The following PCSK5 variants were observed in gnomAD, a reference collection of about 807,000 sequenced individuals.
The protein encoded by PCSK5 is proprotein convertase subtilisin/kexin type 5.
In PCSK5, 129 loss-of-function variants were observed where a neutral mutation model predicts 233.2. The ratio of observed to expected loss-of-function variants is 0.55; its 90% CI spans 0.48 to 0.64. The LOEUF (loss-of-function observed/expected upper bound fraction) is 0.64, where lower values mean the gene tolerates loss of function less well. Ranked by LOEUF, PCSK5 falls within the 30% of genes least tolerant of loss-of-function variation. The pLI is 0.00. For missense variants in PCSK5, 2,076 were observed against 2,430.1 expected, an observed-to-expected ratio of 0.85 and a Z score of 3.06; for synonymous variants, 825 against 879.2, an observed-to-expected ratio of 0.94 and a Z score of 1.09.
chr9:76,297,007 A>T (rs374697560), intron 27 of PCSK5, 142 bp downstream of exon 27: 11 of 632,610 alleles, frequency 1.7e-5, no homozygotes, highest in Non-Finnish European at 3.1e-5. Flanking sequence ...TCAAGTTGGG[A>T]TCGTTCCTGA....
At chr9:76,141,096 T>C (rs905988610) in intron 10 of PCSK5, among the ~76,000 whole-genome samples, 1 of 152,164 alleles carries the variant, frequency 6.6e-6, no homozygotes, top group African/African-American at 2.4e-5. Flanking sequence ...CAAAGATATA[T>C]GTCGTCAAGC....
intron 7 of PCSK5, among the ~76,000 whole-genome samples, chr9:76,091,148 T>C (rs1831270834): frequency 6.6e-6 from 1 of 152,178 alleles, no homozygotes; most frequent in Non-Finnish European, 1.5e-5. Flanking sequence ...CAATTTCGGT[T>C]GAGGACTCCT....
At chr9:76,086,017 C>T (rs1251783459) in intron 7 of PCSK5, among the ~76,000 whole-genome samples, 2 of 152,060 alleles carry the variant, frequency 1.3e-5, no homozygotes, top group South Asian at 2.1e-4. Context: ...TTACCCCTTC[C>T]ATATACATTT....
At chr9:75,904,885 G>A (rs1186442220) in intron 1 of PCSK5, among the ~76,000 whole-genome samples, 1 of 152,086 alleles carries the variant, frequency 6.6e-6, no homozygotes, top group Non-Finnish European at 1.5e-5. Flanking sequence ...TAGCCAAAAA[G>A]CAGAAACAAT....
intron 14 of PCSK5, among the ~76,000 whole-genome samples, chr9:76,176,860 T>A (rs1351364905): frequency 6.6e-6 from 1 of 152,240 alleles, no homozygotes; most frequent in Non-Finnish European, 1.5e-5. Context: ...CCTTATCGTC[T>A]ACAAATTGGT....
intron 36 of PCSK5, among the ~76,000 whole-genome samples, chr9:76,351,429 C>CA (rs1564196402): frequency 1.0e-5 from 1 of 96,322 alleles, no homozygotes. Context: ...ACCGCCCCCC[C>CA]CTGCAATGTG....
intron 20 of PCSK5, among the ~76,000 whole-genome samples, chr9:76,191,896 T>C (rs1336431946): frequency 3.9e-5 from 6 of 152,026 alleles, no homozygotes; most frequent in Non-Finnish European, 8.8e-5. Context: ...CTGAGCAACA[T>C]GGTGAAACCC....
chr9:76,179,526 C>T (rs1823754705), intron 14 of PCSK5, 70 bp from the exon 15 acceptor site: 1 of 1,100,532 alleles, frequency 9.1e-7, no homozygotes, highest in Non-Finnish European at 1.4e-6. Flanking sequence ...ATTTTTATAC[C>T]AAATTCAAGG....
intron 3 of PCSK5, among the ~76,000 whole-genome samples, chr9:76,001,572 C>A (rs531218492): frequency 1.4e-5 from 2 of 146,036 alleles, no homozygotes; most frequent in Non-Finnish European, 3.0e-5. Flanking sequence ...CTCTAGCTTG[C>A]ACAGGCAATA....
intron 10 of PCSK5, among the ~76,000 whole-genome samples, chr9:76,156,507 A>G (rs1403967427): frequency 6.6e-6 from 1 of 152,218 alleles, no homozygotes; most frequent in Non-Finnish European, 1.5e-5. Context: ...TCTTGTATGT[A>G]AGTTCTTCTT....
At chr9:76,112,886 A>T (rs1056663936) in intron 9 of PCSK5, among the ~76,000 whole-genome samples, 1 of 152,130 alleles carries the variant, frequency 6.6e-6, no homozygotes, top group African/African-American at 2.4e-5. Flanking sequence ...AGCTTTGATG[A>T]TTCAAATTGG....
At chr9:76,191,749 CGTAA>C (rs1824390328) in intron 20 of PCSK5, among the ~76,000 whole-genome samples, 1 of 152,042 alleles carries the variant, frequency 6.6e-6, no homozygotes, top group African/African-American at 2.4e-5. Context: ...CCAGGGGCCA[CGTAA>C]GTATCATTTT....
chr9:76,141,314 A>G (rs1564057013), intron 10 of PCSK5, among the ~76,000 whole-genome samples: 1 of 151,848 alleles, frequency 6.6e-6, no homozygotes, highest in African/African-American at 2.4e-5. Context: ...TTCAACAATC[A>G]TTTTCTTATT....
intron 14 of PCSK5, among the ~76,000 whole-genome samples, chr9:76,176,754 A>G (rs567447362): frequency 6.6e-6 from 1 of 152,220 alleles, no homozygotes; most frequent in African/African-American, 2.4e-5. Flanking sequence ...TAGGAAATCT[A>G]TTGGTTGTAT....
intron 9 of PCSK5, among the ~76,000 whole-genome samples, chr9:76,111,616 A>G (rs1006879507): frequency 6.6e-6 from 1 of 152,058 alleles, no homozygotes; most frequent in Non-Finnish European, 1.5e-5. Context: ...CTGGTGTTTC[A>G]GCTAAATGAA....
intron 3 of PCSK5, among the ~76,000 whole-genome samples, chr9:75,998,072 G>T (rs577313497): frequency 1.3e-5 from 2 of 152,248 alleles, no homozygotes; most frequent in South Asian, 4.1e-4. Flanking sequence ...CTCGTTGCAT[G>T]GTGTCCTGAA....
intron 30 of PCSK5, 68 bp downstream of exon 30, chr9:76,310,919 T>C (rs1340761748): frequency 7.5e-6 from 8 of 1,073,800 alleles, no homozygotes; most frequent in South Asian, 1.7e-5. Context: ...GGAGCAATTC[T>C]TTCTTATTCA....
chr9:75,899,990 G>T (rs1401323444), intron 1 of PCSK5, among the ~76,000 whole-genome samples: 9 of 152,202 alleles, frequency 5.9e-5, no homozygotes, highest in Admixed American at 5.9e-4. Flanking sequence ...GAGGCTTCCA[G>T]TGCTCTTAGC....
intron 3 of PCSK5, among the ~76,000 whole-genome samples, chr9:76,020,727 C>T (rs61292476): frequency 1.3e-5 from 2 of 152,162 alleles, no homozygotes; most frequent in African/African-American, 4.8e-5. Context: ...GCATGTTTTC[C>T]GTAGACGGCT....
Sources: gnomAD v4.1 joint callset for allele counts (sites outside exome capture counted in the v4.1 genomes callset) on GRCh38, gnomAD v4.1.1 for gene constraint, MANE v1.5 for transcripts, NCBI Gene and HGNC (gene_info 2026-07-23, HGNC 2026-07-21) for gene names.